Variants in DPP10 observed in about 807,000 individuals in gnomAD.
DPP10 encodes the protein inactive dipeptidyl peptidase 10.
A neutral mutation model predicts 120.9 loss-of-function variants in DPP10; 33 were observed. The observed-to-expected ratio is 0.27, with a 90% CI of 0.21 to 0.37. The LOEUF (loss-of-function observed/expected upper bound fraction) is 0.37, where lower values mean the gene tolerates loss of function less well. DPP10 is among the 10% of genes least tolerant of loss of function. The pLI is 1.00. For missense variants in DPP10, 816 were observed against 942.8 expected, an observed-to-expected ratio of 0.87 and a Z score of 1.76; for synonymous variants, 337 against 326.1, an observed-to-expected ratio of 1.03 and a Z score of -0.36.
chr2:115,683,122 T>C (rs1434844866), intron 5 of DPP10, among the ~76,000 whole-genome samples: 6 of 151,942 alleles, frequency 3.9e-5, no homozygotes, highest in Non-Finnish European at 2.9e-5. Context: ...TTAACACCTA[T>C]AAACTGTGAC....
chr2:115,644,352 C>T (rs551160467), intron 5 of DPP10, among the ~76,000 whole-genome samples: 1 of 152,074 alleles, frequency 6.6e-6, no homozygotes, highest in African/African-American at 2.4e-5. Context: ...GTGATGTTCC[C>T]CTTCTTGTGT....
chr2:115,272,271 A>G (rs2059730117), intron 1 of DPP10, among the ~76,000 whole-genome samples: 1 of 152,200 alleles, frequency 6.6e-6, no homozygotes, highest in South Asian at 2.1e-4. Flanking sequence ...AGTAATAAAT[A>G]TTGTTAGACT....
At chr2:115,574,404 T>G (rs1207822188) in intron 5 of DPP10, among the ~76,000 whole-genome samples, 1 of 152,238 alleles carries the variant, frequency 6.6e-6, no homozygotes, top group African/African-American at 2.4e-5. Flanking sequence ...TAGTAAGTTC[T>G]CCATGGCTTG....
rs548226789 is a variant in DPP10, at chr2:115,744,374, A to G, written c.853-1712A>G. The stretch of plus-strand genomic sequence containing the variant: ...GAGGGAGAAACATGACAACTAAATT[A>G]AAACAAGAATGATGTGAAAGAGAGC... On this transcript the variant is annotated intron_variant, in intron 9 of 25. Transcript: ENST00000410059. Among the ~76,000 whole-genome samples the G allele has an allele frequency of 2.7e-5, 4 of 150,526 alleles. 1 individual carries two copies. In the East Asian group the frequency reaches 7.7e-4, roughly 29 times the overall value.
chr2:115,439,329 G>C (rs2071800901), intron 3 of DPP10, among the ~76,000 whole-genome samples: 2 of 152,336 alleles, frequency 1.3e-5, no homozygotes, highest in South Asian at 4.1e-4. Context: ...GGAATAATGT[G>C]AAGTTATTAT....
At chr2:114,837,040 G>A (rs1459391833) in intron 1 of DPP10, among the ~76,000 whole-genome samples, 6 of 152,068 alleles carry the variant, frequency 3.9e-5, no homozygotes. Flanking sequence ...AAACACACAT[G>A]CTCTAAAATT....
chr2:114,475,879 C>T (rs1303931303), intron 1 of DPP10, among the ~76,000 whole-genome samples: 2 of 152,120 alleles, frequency 1.3e-5, no homozygotes, highest in African/African-American at 2.4e-5. Flanking sequence ...AGTGACTAGG[C>T]GGTGCAGTTG....
rs10170511 is a variant in DPP10, at chr2:114,919,633, A to G, written c.61-389606A>G. Among the ~76,000 whole-genome samples, 1,363 of 152,354 alleles carry G rather than the reference A, an allele frequency of 8.9e-3. 20 individuals are homozygous for G. Among genetic ancestry groups the G allele is most frequent in the African/African-American group, 0.032 (1,311 of 41,584 alleles). On this transcript the variant is annotated intron_variant, in intron 1 of 25. Coordinates refer to ENST00000410059, the MANE Select transcript of DPP10 (RefSeq NM_020868.6). ...TAGACTTTCTTTCTAAGAAGAAATAATCAGCCAAAGTTTGCAGACATCAAC... is the reference window on the plus strand; with the variant it reads ...TAGACTTTCTTTCTAAGAAGAAATAGTCAGCCAAAGTTTGCAGACATCAAC...
intron 3 of DPP10, chr2:115,469,016 A>T: frequency 4.8e-6 from 1 of 210,156 alleles, no homozygotes; most frequent in East Asian, 1.6e-4. Context: ...GCTGGAGTGC[A>T]GTGGTGCGAT....
chr2:115,014,712 C>G (rs1325788095), intron 1 of DPP10, among the ~76,000 whole-genome samples: 1 of 151,994 alleles, frequency 6.6e-6, no homozygotes, highest in Non-Finnish European at 1.5e-5. Context: ...ATTATAAACA[C>G]CTCTATGCAA....
intron 1 of DPP10, among the ~76,000 whole-genome samples, chr2:114,715,964 G>T (rs111467250): frequency 6.6e-6 from 1 of 151,744 alleles, no homozygotes; most frequent in Admixed American, 6.6e-5. Context: ...AATAAGTGGT[G>T]TCAATACCTG....
At chr2:114,904,725 G>T (rs2106634867) in intron 1 of DPP10, among the ~76,000 whole-genome samples, 1 of 152,292 alleles carries the variant, frequency 6.6e-6, no homozygotes, top group Middle Eastern at 3.4e-3. Flanking sequence ...AAGGCCATCA[G>T]ACTCATTAAA....
chr2:115,074,678 G>A (rs1230537100), intron 1 of DPP10, among the ~76,000 whole-genome samples: 1 of 152,212 alleles, frequency 6.6e-6, no homozygotes, highest in African/African-American at 2.4e-5. Flanking sequence ...CGAAGGTAAT[G>A]AGGGTTGTCC....
At chr2:115,158,065 G>A (rs1476702408) in intron 1 of DPP10, among the ~76,000 whole-genome samples, 1 of 152,184 alleles carries the variant, frequency 6.6e-6, no homozygotes, top group East Asian at 1.9e-4. Flanking sequence ...AGGGACATTT[G>A]TCTTTCTGAC....
rs78340901 is a variant in DPP10 at position 114,928,384 on chromosome 2, C to G, written c.61-380855C>G. ...GAGCCAAAAGAAAGGGATAACAGGC[C>G]CCACACAAGTCTGAAAATCAGTAGG... On this transcript the variant is annotated intron_variant, in intron 1 of 25. Transcript: ENST00000410059. Among the ~76,000 whole-genome samples, 1,462 of 152,212 alleles carry G rather than the reference C, an allele frequency of 9.6e-3. 29 individuals are homozygous for G. Among genetic ancestry groups the G allele is most frequent in the African/African-American group, 0.034 (1,392 of 41,522 alleles).
rs573605702 is a variant in DPP10, at chr2:114,631,282, C to T, written c.60+188444C>T. Among the ~76,000 whole-genome samples the T allele has an allele frequency of 1.1e-4, 17 of 152,076 alleles. No homozygotes were observed. In the East Asian group the frequency reaches 3.1e-3, roughly 28 times the overall value. The stretch of plus-strand genomic sequence containing the variant: ...TAAGATGCTGGAGTTTCCGACAAAC[C>T]CACACATTTGACCCACTGTGAGTCC... On this transcript the variant is annotated intron_variant, in intron 1 of 25. Coordinates refer to ENST00000410059, the MANE Select transcript of DPP10 (RefSeq NM_020868.6).
At chr2:115,712,103 AC>A (rs1210443072) in intron 7 of DPP10, among the ~76,000 whole-genome samples, 7 of 151,452 alleles carry the variant, frequency 4.6e-5, no homozygotes, top group African/African-American at 1.7e-4. Context: ...TATGATTATA[AC>A]ATTGTAATAT....
At chr2:115,297,904 A>C (rs898581421) in intron 1 of DPP10, among the ~76,000 whole-genome samples, 1 of 152,052 alleles carries the variant, frequency 6.6e-6, no homozygotes, top group African/African-American at 2.4e-5. Flanking sequence ...GATCACTGAC[A>C]TTCTTTTAGT....
chr2:115,247,859 T>C (rs2058600924), intron 1 of DPP10, among the ~76,000 whole-genome samples: 1 of 152,160 alleles, frequency 6.6e-6, no homozygotes, highest in South Asian at 2.1e-4. Flanking sequence ...CTGTTTTGTT[T>C]TTCCCTTTGG....
Sources: gnomAD v4.1 joint callset for allele counts (sites outside exome capture counted in the v4.1 genomes callset) on GRCh38, gnomAD v4.1.1 for gene constraint, MANE v1.5 for transcripts, NCBI Gene and HGNC (gene_info 2026-07-23, HGNC 2026-07-21) for gene names.